The following PTPRD variants were observed in gnomAD, a reference collection of about 807,000 sequenced individuals.
PTPRD encodes protein tyrosine phosphatase receptor type D.
A neutral mutation model predicts 214.5 loss-of-function variants in PTPRD; 34 were observed. The observed-to-expected ratio is 0.16, with a 90% CI of 0.12 to 0.21. The LOEUF (loss-of-function observed/expected upper bound fraction) is 0.21. Among genes scored for constraint, PTPRD ranks in the 10% least tolerant of loss-of-function variants. The pLI is 1.00. For missense variants in PTPRD, 2,545 were observed against 2,398.7 expected, an observed-to-expected ratio of 1.06 and a Z score of -1.27; for synonymous variants, 1,128 against 845.7, an observed-to-expected ratio of 1.33 and a Z score of -5.79.
chr9:8,593,376 G>C (rs1162160586), intron 14 of PTPRD, among the ~76,000 whole-genome samples: 1 of 152,170 alleles, frequency 6.6e-6, no homozygotes, highest in Non-Finnish European at 1.5e-5. Flanking sequence ...GGAACAAAAG[G>C]TACGTAGACC....
At chr9:9,371,388 G>C (rs1170696780) in intron 9 of PTPRD, among the ~76,000 whole-genome samples, 1 of 152,166 alleles carries the variant, frequency 6.6e-6, no homozygotes, top group Non-Finnish European at 1.5e-5. Context: ...AGATTTTCTA[G>C]TTTATGTGCG....
In PTPRD at chr9:9,672,788, G is replaced by T. The variant is rs186915865; in HGVS notation, c.-287+61745C>A. ...ATGTATGACTGTATAGCTAGTAAAA[G>T]TAATCTAGACATACGACCTAAATCT... On this transcript the variant is annotated intron_variant, in intron 7 of 45. Transcript: ENST00000381196. Among the ~76,000 whole-genome samples, 606 of 152,114 alleles carry T rather than the reference G, an allele frequency of 4.0e-3. 5 individuals carry two copies. Among genetic ancestry groups the T allele is most frequent in the African/African-American group, 0.014 (577 of 41,548 alleles).
At chr9:9,343,706 A>T (rs971755270) in intron 9 of PTPRD, among the ~76,000 whole-genome samples, 6 of 152,086 alleles carry the variant, frequency 3.9e-5, no homozygotes, top group Non-Finnish European at 8.8e-5. Context: ...TTCGAAAATC[A>T]CAAACAGGAG....
intron 2 of PTPRD, among the ~76,000 whole-genome samples, chr9:10,558,966 C>T (rs2063229876): frequency 6.6e-6 from 1 of 152,100 alleles, no homozygotes; most frequent in Non-Finnish European, 1.5e-5. Context: ...ATCACCTTTA[C>T]CAGAATTACT....
chr9:9,187,781 T>C (rs1475739266), intron 9 of PTPRD, among the ~76,000 whole-genome samples: 2 of 124,616 alleles, frequency 1.6e-5, no homozygotes, highest in African/African-American at 6.8e-5. Flanking sequence ...AATAAGAGGA[T>C]TTTTTTTTTG....
At chr9:9,805,621 G>C (rs1004047932) in intron 5 of PTPRD, among the ~76,000 whole-genome samples, 5 of 152,096 alleles carry the variant, frequency 3.3e-5, no homozygotes, top group African/African-American at 1.2e-4. Context: ...ATTTCTTAAA[G>C]TACACTTTTA....
intron 2 of PTPRD, among the ~76,000 whole-genome samples, chr9:10,534,223 T>C (rs1013696781): frequency 6.6e-6 from 1 of 151,812 alleles, no homozygotes; most frequent in Non-Finnish European, 1.5e-5. Context: ...AACATCAGAG[T>C]TCTAAAAAGA....
At chr9:10,596,218 A>G (rs1174538212) in intron 2 of PTPRD, among the ~76,000 whole-genome samples, 1 of 151,798 alleles carries the variant, frequency 6.6e-6, no homozygotes, top group African/African-American at 2.4e-5. Context: ...TGGAACGGAA[A>G]TCAGAGTTTG....
chr9:9,911,337 C>A (rs1455340429), intron 5 of PTPRD, among the ~76,000 whole-genome samples: 1 of 151,988 alleles, frequency 6.6e-6, no homozygotes, highest in Non-Finnish European at 1.5e-5. Flanking sequence ...GTGATTCTAT[C>A]TAATTAAAAA....
chr9:10,085,235 C>T (rs60401409), intron 3 of PTPRD, among the ~76,000 whole-genome samples: 2,019 of 151,942 alleles, frequency 0.013, 39 homozygotes, highest in African/African-American at 0.045. Context: ...TGACAACACG[C>T]CTTCTCAACT....
chr9:10,076,505 G>A (rs2098133901), intron 3 of PTPRD, among the ~76,000 whole-genome samples: 1 of 152,056 alleles, frequency 6.6e-6, no homozygotes, highest in African/African-American at 2.4e-5. Context: ...GACCCTGAAG[G>A]TCCATATGAT....
chr9:8,773,509 T>C lies in PTPRD; in HGVS notation c.-103-39563A>G, dbSNP rs905837800. Among the ~76,000 whole-genome samples, 21 of 152,318 alleles carry C rather than the reference T, an allele frequency of 1.4e-4. No individual in the cohort carries two copies. The East Asian group carries it at 3.9e-3, about 28-fold the overall frequency. On this transcript the variant is annotated intron_variant, in intron 11 of 45. Transcript: ENST00000381196. ...AAGTCCCATGTCTTGAGGACCACTG[T>C]TGCATGTATTTTATCTGTTTTATGG...
chr9:9,014,938 A>G (rs971792566), intron 11 of PTPRD, among the ~76,000 whole-genome samples: 3 of 152,206 alleles, frequency 2.0e-5, no homozygotes, highest in Admixed American at 6.5e-5. Flanking sequence ...CTGTGTATAC[A>G]TGTATTTATA....
At chr9:8,658,009 T>C (rs1427337790) in intron 12 of PTPRD, among the ~76,000 whole-genome samples, 3 of 152,176 alleles carry the variant, frequency 2.0e-5, no homozygotes, top group East Asian at 1.9e-4. Flanking sequence ...CAGCAAAATA[T>C]TGCTTGTCTT....
At chr9:8,450,530 G>C (rs1210720175) in intron 33 of PTPRD, among the ~76,000 whole-genome samples, 6 of 152,176 alleles carry the variant, frequency 3.9e-5, no homozygotes, top group Admixed American at 2.0e-4. Context: ...CAGAGAAAAA[G>C]TAATTTCACC....
At chr9:9,133,575 TA>T (rs967907607) in intron 10 of PTPRD, among the ~76,000 whole-genome samples, 2 of 152,180 alleles carry the variant, frequency 1.3e-5, no homozygotes, top group African/African-American at 4.8e-5. Context: ...TGAGTTGTTA[TA>T]AAAAAACTCA....
intron 8 of PTPRD, among the ~76,000 whole-genome samples, chr9:9,494,808 C>T (rs1470954050): frequency 3.9e-5 from 6 of 152,026 alleles, no homozygotes; most frequent in Non-Finnish European, 8.8e-5. Context: ...AAATAGGAAA[C>T]CCAACCTTAA....
rs72692727 is a variant in PTPRD, at chr9:9,905,213, A to G, written c.-368+33294T>C. ...CATACGTATGTATGTTTGTATCTAC[A>G]TATCTTCTGTAGCTCCTCATTTACT... On this transcript the variant is annotated intron_variant, in intron 5 of 45. Transcript: ENST00000381196. Among the ~76,000 whole-genome samples, 571 of 152,114 alleles carry G rather than the reference A, an allele frequency of 3.8e-3. 2 individuals are homozygous for G. The highest frequency in any genetic ancestry group is 6.3e-3 in the Non-Finnish European group (428 of 67,938).
intron 3 of PTPRD, among the ~76,000 whole-genome samples, chr9:10,036,877 ATTAT>A (rs59177466): frequency 0.12 from 12,656 of 107,146 alleles, 1,023 homozygotes; most frequent in African/African-American, 0.27. Flanking sequence ...CCAAATTTTT[ATTAT>A]TTATTTATTT....
Sources: gnomAD v4.1 joint callset for allele counts (sites outside exome capture counted in the v4.1 genomes callset) on GRCh38, gnomAD v4.1.1 for gene constraint, MANE v1.5 for transcripts, NCBI Gene and HGNC (gene_info 2026-07-23, HGNC 2026-07-21) for gene names.